The following LARS2 variants were observed in gnomAD, a reference collection of about 807,000 sequenced individuals.
The protein encoded by LARS2 is leucyl-tRNA synthetase 2, mitochondrial.
In LARS2, 81 loss-of-function variants were observed where a neutral mutation model predicts 116.6. The ratio of observed to expected loss-of-function variants is 0.69; its 90% CI spans 0.58 to 0.84. The LOEUF is 0.84. Among genes scored for constraint, LARS2 ranks in the 40% least tolerant of loss-of-function variants. LARS2 has a pLI of 0.00. For missense variants in LARS2, 968 were observed against 1,114.5 expected, an observed-to-expected ratio of 0.87 and a Z score of 1.87; for synonymous variants, 396 against 407.2, an observed-to-expected ratio of 0.97 and a Z score of 0.33.
intron 5 of LARS2, 61 bp from the exon 6 acceptor site, chr3:45,419,608 T>G: frequency 1.0e-6 from 1 of 989,520 alleles, no homozygotes; most frequent in Non-Finnish European, 1.5e-6. Context: ...TCTCAAAGTG[T>G]AGTTGTGTAT....
Position 45,468,328 on chromosome 3 carries a change from A to G in LARS2, c.751-5915A>G, listed in dbSNP as rs538879874. ...CATTTTGTTTTTTATGATTAGACCA[A>G]TAAAAGCTTTCAGCCTTGCCCTCAA... On this transcript the variant is annotated intron_variant, in intron 8 of 21. Coordinates refer to ENST00000645846, the MANE Select transcript of LARS2 (RefSeq NM_015340.4). Among the ~76,000 whole-genome samples, 4 of 152,304 alleles carry G rather than the reference A, an allele frequency of 2.6e-5. No individual in the cohort carries two copies. The East Asian group carries it at 7.7e-4, about 29-fold the overall frequency.
chr3:45,497,647 C>T (rs1297698326), intron 14 of LARS2, among the ~76,000 whole-genome samples: 1 of 152,158 alleles, frequency 6.6e-6, no homozygotes, highest in Non-Finnish European at 1.5e-5. Context: ...TGGCTCACGC[C>T]TGTAATTCCA....
Position 45,542,601 on chromosome 3 carries a change from A to G in LARS2, c.2532+645A>G, listed in dbSNP as rs143999081. ...AAAAGAGGACAGGGAGTAGACTTGG[A>G]ACCACATGTCTCCCCGGAACCACAC... On this transcript the variant is annotated intron_variant, in intron 21 of 21. Transcript: ENST00000645846. 1.9e-3 allele frequency among the ~76,000 whole-genome samples: 295 copies of G among 152,326 alleles called. 2 individuals are homozygous for G. Among genetic ancestry groups the G allele is most frequent in the African/African-American group, 6.6e-3 (274 of 41,568 alleles).
chr3:45,425,922 CT>C (rs200594189), intron 6 of LARS2, among the ~76,000 whole-genome samples: 22 of 99,910 alleles, frequency 2.2e-4, no homozygotes, highest in Non-Finnish European at 2.2e-4. Context: ...CTTTTCTTTT[CT>C]TTTTTTTTTT....
rs184885037 is a variant in LARS2 at position 45,453,218 on chromosome 3, G to C, written c.607-5525G>C. Among the ~76,000 whole-genome samples, 28 of 151,556 alleles carry C rather than the reference G, an allele frequency of 1.8e-4. 1 individual carries two copies. Among genetic ancestry groups the C allele is most frequent in the African/African-American group, 6.5e-4 (27 of 41,306 alleles). ...GTTCCTTCTACTAATTTTGGGTTTG[G>C]TTTGTTCTTGCTTTTCTAGTTCCTT... On this transcript the variant is annotated intron_variant, in intron 7 of 21. Transcript: ENST00000645846.
chr3:45,450,027 C>T (rs1264056007), intron 7 of LARS2, among the ~76,000 whole-genome samples: 1 of 152,114 alleles, frequency 6.6e-6, no homozygotes, highest in Non-Finnish European at 1.5e-5. Flanking sequence ...ATTAATTTCA[C>T]CTTTTGAAAA....
chr3:45,475,107 A>G (rs775565623), intron 9 of LARS2, among the ~76,000 whole-genome samples: 91 of 152,022 alleles, frequency 6.0e-4, no homozygotes, highest in Non-Finnish European at 1.2e-3. Context: ...TGTCATCAAG[A>G]CTTTTCTGCT....
chr3:45,430,569 T>G (rs767042752), intron 6 of LARS2, among the ~76,000 whole-genome samples: 2 of 141,000 alleles, frequency 1.4e-5, no homozygotes, highest in Admixed American at 7.4e-5. Context: ...CGTGAGCCAC[T>G]GCGCCCGGCC....
intron 20 of LARS2, among the ~76,000 whole-genome samples, chr3:45,533,328 T>A (rs1559499685): frequency 6.6e-6 from 1 of 151,848 alleles, no homozygotes; most frequent in Non-Finnish European, 1.5e-5. Flanking sequence ...TTTTTTGTAT[T>A]TTTAGTAGAG....
At chr3:45,523,225 G>A (rs1038368273) in intron 19 of LARS2, among the ~76,000 whole-genome samples, 11 of 152,172 alleles carry the variant, frequency 7.2e-5, no homozygotes, top group Non-Finnish European at 1.5e-4. Context: ...TATGTTTGCC[G>A]GAATTGACCA....
rs1259275933 is a variant in LARS2 at position 45,548,603 on chromosome 3, C to T, written c.*1073C>T. The T allele has an allele frequency of 6.6e-6, 1 of 152,232 alleles. No individual in the cohort carries two copies. Among genetic ancestry groups the T allele is most frequent in the African/African-American group, 2.4e-5 (1 of 41,458 alleles). The allele number at this position is 152,232 out of a possible 1,614,324, so 9.4% of individuals were successfully genotyped here. A position where few individuals can be genotyped will look rare whatever the true frequency, so the allele number is the denominator to read the frequency against. The stretch of plus-strand genomic sequence containing the variant: ...GGACTCATACCATTGGCACATTAGG[C>T]TAATCCTGGTTTTATGTGAAGTCAG... On this transcript the variant is annotated 3_prime_UTR_variant, in exon 22 of 22. Coordinates refer to ENST00000645846, the MANE Select transcript of LARS2 (RefSeq NM_015340.4).
intron 6 of LARS2, among the ~76,000 whole-genome samples, chr3:45,434,457 T>C (rs1698768325): frequency 1.3e-5 from 2 of 152,248 alleles, no homozygotes; most frequent in Admixed American, 1.3e-4. Context: ...CTTTCTTTGC[T>C]GGGACTTTCT....
At chr3:45,425,333 C>G (rs1463409780) in intron 6 of LARS2, among the ~76,000 whole-genome samples, 1 of 152,178 alleles carries the variant, frequency 6.6e-6, no homozygotes, top group Non-Finnish European at 1.5e-5. Flanking sequence ...GCTTTATCAG[C>G]CAGAGGGAGT....
intron 6 of LARS2, among the ~76,000 whole-genome samples, chr3:45,444,621 G>C (rs1409330512): frequency 1.4e-3 from 165 of 115,200 alleles, no homozygotes; most frequent in Non-Finnish European, 1.9e-3. Flanking sequence ...CCGAGATCCC[G>C]CCACTGCACT....
rs1219114955 is a variant in LARS2, at chr3:45,458,941, C to A, written c.750+55C>A. On this transcript the variant is annotated intron_variant, in intron 8 of 21. Coordinates refer to ENST00000645846, the MANE Select transcript of LARS2 (RefSeq NM_015340.4). ...ATGCCTTACATGCTGGCAGGCAACA[C>A]CAAAGGCTTCTGGGTATGAGAGAGC... 5 of 1,571,790 alleles carry A rather than the reference C, an allele frequency of 3.2e-6. No homozygotes were observed. The African/African-American group carries it at 6.8e-5, about 21-fold the overall frequency.
chr3:45,486,919 T>C (rs1365049956), intron 11 of LARS2, among the ~76,000 whole-genome samples: 1 of 152,206 alleles, frequency 6.6e-6, no homozygotes, highest in Non-Finnish European at 1.5e-5. Flanking sequence ...ATCGGATTTT[T>C]TTAGGTGCAT....
At chr3:45,398,757 G>A (rs1021111678) in intron 3 of LARS2, among the ~76,000 whole-genome samples, 2 of 152,136 alleles carry the variant, frequency 1.3e-5, no homozygotes, top group Admixed American at 6.5e-5. Flanking sequence ...GAGCACAAAG[G>A]CCAACGAACA....
chr3:45,470,748 G>A (rs1699507915), intron 8 of LARS2, among the ~76,000 whole-genome samples: 1 of 152,096 alleles, frequency 6.6e-6, no homozygotes, highest in African/African-American at 2.4e-5. Context: ...GATTTCCAAA[G>A]TGTTTCAAAG....
intron 20 of LARS2, among the ~76,000 whole-genome samples, chr3:45,534,683 G>T (rs77404587): frequency 0.048 from 7,300 of 152,262 alleles, 180 homozygotes; most frequent in Middle Eastern, 0.085. Context: ...GAGATGTGAA[G>T]TCCTCTTGGC....
Sources: allele counts gnomAD v4.1 joint callset (sites outside exome capture counted in the v4.1 genomes callset), GRCh38; gene constraint gnomAD v4.1.1; transcripts MANE v1.5; gene names NCBI Gene and HGNC (gene_info 2026-07-23, HGNC 2026-07-21).